The following ATP9B variants were observed in gnomAD, a reference collection of about 807,000 sequenced individuals.
ATP9B encodes ATPase phospholipid transporting 9B.
A neutral mutation model predicts 146.1 loss-of-function variants in ATP9B; 110 were observed. The ratio of observed to expected loss-of-function variants is 0.75; its 90% CI spans 0.65 to 0.88. The LOEUF (loss-of-function observed/expected upper bound fraction) is 0.88. Ranked by LOEUF, ATP9B falls within the 40% of genes least tolerant of loss-of-function variation. The pLI, the probability that ATP9B is intolerant of heterozygous loss-of-function variation, is 0.00. For synonymous variants in ATP9B, 604 were observed against 569.7 expected (o/e 1.06, Z -0.86); for missense variants, 1,499 against 1,496.4 (o/e 1.00, Z -0.03).
At chr18:79,166,234 A>G (rs1296434770) in intron 7 of ATP9B, among the ~76,000 whole-genome samples, 2 of 152,190 alleles carry the variant, frequency 1.3e-5, no homozygotes, top group African/African-American at 4.8e-5. Context: ...GAGGGCAGAA[A>G]CAGCAACCCA....
intron 19 of ATP9B, among the ~76,000 whole-genome samples, chr18:79,339,609 CATG>C (rs984802491): frequency 1.3e-5 from 2 of 150,202 alleles, no homozygotes; most frequent in African/African-American, 2.5e-5. Flanking sequence ...GGAGGTGTGT[CATG>C]ATCGCAATAG....
chr18:79,332,496 G>A (rs1300559790), intron 17 of ATP9B, among the ~76,000 whole-genome samples: 1 of 152,206 alleles, frequency 6.6e-6, no homozygotes, highest in East Asian at 1.9e-4. Context: ...GTGGGAGTGG[G>A]CCATCGTGAA....
chr18:79,226,202 A>C (rs533836651), intron 11 of ATP9B, among the ~76,000 whole-genome samples: 58 of 152,288 alleles, frequency 3.8e-4, no homozygotes, highest in Non-Finnish European at 7.8e-4. Context: ...TATGAAATGT[A>C]GGTTTGATAT....
At chr18:79,206,307 A>T (rs2095533068) in intron 9 of ATP9B, among the ~76,000 whole-genome samples, 1 of 152,226 alleles carries the variant, frequency 6.6e-6, no homozygotes, top group Admixed American at 6.5e-5. Flanking sequence ...TTATTTTTTA[A>T]CAATATTCAC....
chr18:79,100,342 A>G (rs983491873), intron 2 of ATP9B, among the ~76,000 whole-genome samples: 2 of 152,120 alleles, frequency 1.3e-5, no homozygotes, highest in Non-Finnish European at 2.9e-5. Flanking sequence ...TTTGTCAGTT[A>G]CTGAGAGACT....
intron 1 of ATP9B, among the ~76,000 whole-genome samples, chr18:79,074,395 C>T (rs1281827127): frequency 6.6e-6 from 1 of 152,196 alleles, no homozygotes; most frequent in East Asian, 1.9e-4. Context: ...GTTCCTGTGG[C>T]AGAATCCCTA....
intron 1 of ATP9B, among the ~76,000 whole-genome samples, chr18:79,082,509 T>C (rs2073374378): frequency 6.6e-6 from 1 of 152,260 alleles, no homozygotes; most frequent in Non-Finnish European, 1.5e-5. Context: ...ATTATCAGCC[T>C]TTTTGTGCTG....
At chr18:79,281,530 T>C (rs1308759155) in intron 13 of ATP9B, among the ~76,000 whole-genome samples, 1 of 151,616 alleles carries the variant, frequency 6.6e-6, no homozygotes, top group East Asian at 1.9e-4. Flanking sequence ...CATGAACACA[T>C]ACTACAAAAG....
chr18:79,283,749 C>T (rs978280738), intron 13 of ATP9B, among the ~76,000 whole-genome samples: 6 of 152,302 alleles, frequency 3.9e-5, no homozygotes, highest in East Asian at 3.9e-4. Flanking sequence ...CAGAAATACT[C>T]GACGCCGGCT....
chr18:79,109,053 A>T (rs1417893833), intron 2 of ATP9B, among the ~76,000 whole-genome samples: 2 of 152,206 alleles, frequency 1.3e-5, no homozygotes, highest in Admixed American at 1.3e-4. Flanking sequence ...TCATTTTGTA[A>T]TCAGCCTTAT....
intron 11 of ATP9B, among the ~76,000 whole-genome samples, chr18:79,235,664 C>G (rs911446047): frequency 6.6e-6 from 1 of 151,930 alleles, no homozygotes; most frequent in African/African-American, 2.4e-5. Flanking sequence ...TAGAATTCTC[C>G]CAGCTCCCGG....
At chr18:79,154,268 G>A (rs963966752) in intron 6 of ATP9B, among the ~76,000 whole-genome samples, 2 of 151,782 alleles carry the variant, frequency 1.3e-5, no homozygotes, top group African/African-American at 4.8e-5. Context: ...AAGCATTTTT[G>A]AAGTCACTAC....
At chr18:79,155,986 T>A (rs1179047069) in intron 7 of ATP9B, among the ~76,000 whole-genome samples, 32 of 151,916 alleles carry the variant, frequency 2.1e-4, no homozygotes, top group Non-Finnish European at 8.8e-5. Context: ...ATGGTCTCGA[T>A]CTCCTGACCT....
intron 9 of ATP9B, among the ~76,000 whole-genome samples, chr18:79,193,759 A>G (rs772420025): frequency 6.6e-6 from 1 of 152,246 alleles, no homozygotes; most frequent in Non-Finnish European, 1.5e-5. Context: ...GAGAGACTCA[A>G]TAACTCTTTA....
At chr18:79,356,230 A>C (rs998250478) in intron 25 of ATP9B, among the ~76,000 whole-genome samples, 4 of 152,290 alleles carry the variant, frequency 2.6e-5, no homozygotes, top group African/African-American at 9.6e-5. Flanking sequence ...GAAGAGTCAC[A>C]GAAACTGGAT....
intron 23 of ATP9B, among the ~76,000 whole-genome samples, chr18:79,346,478 CACT>C (rs1335420989): frequency 9.7e-5 from 13 of 133,520 alleles, no homozygotes; most frequent in African/African-American, 3.7e-4. Flanking sequence ...ACATTTAGCA[CACT>C]ACATGCTTGG....
At chr18:79,155,964 A>G (rs989324416) in intron 7 of ATP9B, among the ~76,000 whole-genome samples, 7 of 151,678 alleles carry the variant, frequency 4.6e-5, no homozygotes, top group East Asian at 1.9e-4. Flanking sequence ...GGGTTTCACC[A>G]TGTTAGCCAG....
At chr18:79,374,197 G>A (rs369909845) in intron 28 of ATP9B, 96 bp downstream of exon 28, 279 of 1,389,598 alleles carry the variant, frequency 2.0e-4, no homozygotes, top group Middle Eastern at 3.9e-4. Context: ...GTTAAGTTGT[G>A]GATCATGGTA....
At chr18:79,104,956 T>C (rs1188510377) in intron 2 of ATP9B, among the ~76,000 whole-genome samples, 2 of 152,098 alleles carry the variant, frequency 1.3e-5, no homozygotes, top group Non-Finnish European at 2.9e-5. Context: ...TTGTCTAGGC[T>C]GAAAGTCTTT....
Sources: allele counts gnomAD v4.1 joint callset (sites outside exome capture counted in the v4.1 genomes callset), GRCh38; gene constraint gnomAD v4.1.1; transcripts MANE v1.5; gene names NCBI Gene and HGNC (gene_info 2026-07-23, HGNC 2026-07-21).